The following DCC variants were observed in gnomAD, a reference collection of about 807,000 sequenced individuals.
DCC encodes the protein DCC netrin 1 receptor, also known as netrin receptor DCC.
In DCC, 58 loss-of-function variants were observed where a neutral mutation model predicts 172.5. The observed-to-expected ratio is 0.34, with a 90% CI of 0.27 to 0.42. DCC has a LOEUF of 0.42. Ranked by LOEUF, DCC falls within the 10% of genes least tolerant of loss-of-function variation. The pLI, the probability that DCC is intolerant of heterozygous loss-of-function variation, is 1.00. For missense variants in DCC, 1,740 were observed against 1,791.0 expected (o/e 0.97, Z 0.51); for synonymous variants, 709 against 644.5 (o/e 1.10, Z -1.52).
Position 52,459,170 on chromosome 18 carries a change from C to A in DCC, c.91+118292C>A, listed in dbSNP as rs1269153348. On this transcript the variant is annotated intron_variant, in intron 1 of 28. Coordinates refer to ENST00000442544, the MANE Select transcript of DCC (RefSeq NM_005215.4). ...CATCAACTTACCCTTTATACTAGAT[C>A]GTTGTCATTTCTTTTCTTTAGAATT... Among the ~76,000 whole-genome samples the A allele has an allele frequency of 3.3e-5, 5 of 151,954 alleles. No individual in the cohort carries two copies. In the East Asian group the frequency reaches 7.7e-4, roughly 23 times the overall value.
At chr18:52,645,549 A>G (rs923954369) in intron 1 of DCC, among the ~76,000 whole-genome samples, 2 of 152,222 alleles carry the variant, frequency 1.3e-5, no homozygotes, top group African/African-American at 2.4e-5. Context: ...GTCTTGGAGT[A>G]AAAGCTTGTC....
At chr18:52,549,782 T>C (rs1198756345) in intron 1 of DCC, among the ~76,000 whole-genome samples, 1 of 152,054 alleles carries the variant, frequency 6.6e-6, no homozygotes, top group African/African-American at 2.4e-5. Flanking sequence ...ATGGCTAACA[T>C]TTATTTTATA....
At chr18:52,994,393 G>A (rs2041446423) in intron 5 of DCC, among the ~76,000 whole-genome samples, 1 of 152,082 alleles carries the variant, frequency 6.6e-6, no homozygotes, top group Non-Finnish European at 1.5e-5. Context: ...CCTGAGAATA[G>A]AAAGTTGCCT....
At chr18:53,493,283 G>A (rs1419644396) in intron 26 of DCC, among the ~76,000 whole-genome samples, 1 of 152,150 alleles carries the variant, frequency 6.6e-6, no homozygotes, top group Non-Finnish European at 1.5e-5. Flanking sequence ...GAGACAATTT[G>A]ACTTCCTCTC....
intron 2 of DCC, among the ~76,000 whole-genome samples, chr18:52,837,536 C>G (rs1776387193): frequency 6.6e-6 from 1 of 152,156 alleles, no homozygotes; most frequent in Non-Finnish European, 1.5e-5. Flanking sequence ...ACTCCAGTTC[C>G]CAATAAGTTC....
At chr18:52,795,453 G>T (rs2037856936) in intron 2 of DCC, among the ~76,000 whole-genome samples, 1 of 151,876 alleles carries the variant, frequency 6.6e-6, no homozygotes, top group Non-Finnish European at 1.5e-5. Context: ...TGTTGTATCA[G>T]TTGTAATTCC....
intron 1 of DCC, among the ~76,000 whole-genome samples, chr18:52,451,640 G>A (rs1988308255): frequency 6.6e-6 from 1 of 152,076 alleles, no homozygotes; most frequent in African/African-American, 2.4e-5. Context: ...CAAGTAATAG[G>A]AGGACCAAAA....
At chr18:53,305,339 A>C (rs181850261) in intron 12 of DCC, among the ~76,000 whole-genome samples, 1 of 152,332 alleles carries the variant, frequency 6.6e-6, no homozygotes, top group East Asian at 1.9e-4. Context: ...TTAGCAGTGT[A>C]TGCAAAGGAG....
chr18:52,369,152 CT>C (rs1985005203), intron 1 of DCC, among the ~76,000 whole-genome samples: 13 of 152,158 alleles, frequency 8.5e-5, no homozygotes. Flanking sequence ...GATGAAGAGT[CT>C]TCTCAAAAAC....
chr18:52,872,960 A>T (rs899097182), intron 2 of DCC, among the ~76,000 whole-genome samples: 3 of 152,228 alleles, frequency 2.0e-5, no homozygotes, highest in African/African-American at 7.2e-5. Flanking sequence ...CAGACGAACT[A>T]ATGAAAAAAG....
chr18:53,326,621 G>T (rs2057471113), intron 14 of DCC, among the ~76,000 whole-genome samples: 1 of 152,108 alleles, frequency 6.6e-6, no homozygotes, highest in Non-Finnish European at 1.5e-5. Flanking sequence ...TTTTTAAAAA[G>T]ATTTCCTTAA....
At chr18:53,117,105 A>G (rs552216457) in intron 7 of DCC, among the ~76,000 whole-genome samples, 2 of 151,840 alleles carry the variant, frequency 1.3e-5, no homozygotes, top group East Asian at 3.9e-4. Flanking sequence ...TAAGCTTTGG[A>G]ATACTAAGCA....
rs375371359 is a variant in DCC at position 52,817,803 on chromosome 18, A to ATATGTG, written c.412+65430_412+65431insATGTGT. Among the ~76,000 whole-genome samples the ATATGTG allele has an allele frequency of 3.2e-4, 48 of 151,538 alleles. 2 individuals are homozygous for ATATGTG. In the East Asian group the frequency reaches 6.8e-3, roughly 21 times the overall value. ...AAATATAAAATGTTTATATATATAT[A>ATATGTG]TGTGTGTGTGTGTGTATAATTTATG... On this transcript the variant is annotated intron_variant, in intron 2 of 28. Coordinates refer to ENST00000442544, the MANE Select transcript of DCC (RefSeq NM_005215.4).
At chr18:52,967,576 TTG>T (rs1322314581) in intron 5 of DCC, among the ~76,000 whole-genome samples, 1 of 152,164 alleles carries the variant, frequency 6.6e-6, no homozygotes, top group African/African-American at 2.4e-5. Flanking sequence ...CTTTCCTGTT[TTG>T]TGTCTCTCTT....
intron 9 of DCC, among the ~76,000 whole-genome samples, chr18:53,181,678 A>G (rs887012624): frequency 2.0e-5 from 3 of 152,222 alleles, no homozygotes; most frequent in Non-Finnish European, 4.4e-5. Flanking sequence ...TTATGTTCCT[A>G]ACACTGTTCC....
chr18:52,976,506 C>T (rs542128231), intron 5 of DCC, among the ~76,000 whole-genome samples: 2 of 152,270 alleles, frequency 1.3e-5, no homozygotes, highest in East Asian at 1.9e-4. Context: ...TACTGAAAGG[C>T]TCTATCCACA....
intron 5 of DCC, among the ~76,000 whole-genome samples, chr18:52,931,066 T>G (rs9953180): frequency 0.39 from 59,557 of 151,800 alleles, 12,293 homozygotes; most frequent in Non-Finnish European, 0.47. Flanking sequence ...TAAAGGTCTC[T>G]CATGGACTTT....
At chr18:52,529,354 G>T (rs911836502) in intron 1 of DCC, among the ~76,000 whole-genome samples, 1 of 152,058 alleles carries the variant, frequency 6.6e-6, no homozygotes, top group African/African-American at 2.4e-5. Flanking sequence ...GCAGTGGCAC[G>T]ATCTCAGCTC....
chr18:52,728,789 T>C (rs898373990), intron 1 of DCC, among the ~76,000 whole-genome samples: 1 of 152,184 alleles, frequency 6.6e-6, no homozygotes, highest in African/African-American at 2.4e-5. Flanking sequence ...TAGCCAATAG[T>C]TGACAGTGCT....
Sources: gnomAD v4.1 joint callset for allele counts (sites outside exome capture counted in the v4.1 genomes callset) on GRCh38, gnomAD v4.1.1 for gene constraint, MANE v1.5 for transcripts, NCBI Gene and HGNC (gene_info 2026-07-23, HGNC 2026-07-21) for gene names.